AQR: variants seen among roughly 807,000 people sequenced by gnomAD.
AQR encodes aquarius intron-binding spliceosomal factor, also known as RNA helicase aquarius.
In AQR, 61 loss-of-function variants were observed where a neutral mutation model predicts 180.5. The observed-to-expected ratio is 0.34, with a 90% CI of 0.28 to 0.42. The LOEUF (loss-of-function observed/expected upper bound fraction) is 0.42, where lower values mean the gene tolerates loss of function less well. AQR is among the 10% of genes least tolerant of loss of function. The pLI, the probability that AQR is intolerant of heterozygous loss-of-function variation, is 1.00. For missense variants in AQR, 1,281 were observed against 1,798.3 expected, an observed-to-expected ratio of 0.71 and a Z score of 5.20; for synonymous variants, 551 against 588.8, an observed-to-expected ratio of 0.94 and a Z score of 0.93.
At chr15:34,954,105 A>C (rs1018483241) in intron 3 of AQR, among the ~76,000 whole-genome samples, 1 of 151,926 alleles carries the variant, frequency 6.6e-6, no homozygotes, top group African/African-American at 2.4e-5. Flanking sequence ...TAGTAGAGAT[A>C]GGGGTTTCCC....
chr15:34,918,650 T>G (rs1313321695), intron 14 of AQR, among the ~76,000 whole-genome samples: 1 of 152,234 alleles, frequency 6.6e-6, no homozygotes, highest in Admixed American at 6.5e-5. Flanking sequence ...CTAACCTTAG[T>G]TTCCTTTTCA....
At chr15:34,942,187 C>T in intron 6 of AQR, 107 bp from the exon 7 acceptor site, 1 of 613,010 alleles carries the variant, frequency 1.6e-6, no homozygotes, top group Non-Finnish European at 2.6e-6. Context: ...GAAAACATGC[C>T]ACAAATATTT....
intron 16 of AQR, 57 bp from the exon 17 acceptor site, chr15:34,910,370 T>C: frequency 1.3e-6 from 2 of 1,579,826 alleles, no homozygotes; most frequent in Non-Finnish European, 1.7e-6. Flanking sequence ...CCCCAACTTT[T>C]AGACAAGTTA....
At chr15:34,893,864 A>C in intron 22 of AQR, 91 bp from the exon 23 acceptor site, 7 of 1,103,664 alleles carry the variant, frequency 6.3e-6, no homozygotes, top group Non-Finnish European at 9.5e-6. Flanking sequence ...TGAAAGATAA[A>C]ATTAACAAAT....
chr15:34,876,453 T>G lies in AQR; in HGVS notation c.3166-447A>C, dbSNP rs773598588. 8.0e-4 allele frequency among the ~76,000 whole-genome samples: 122 copies of G among 152,244 alleles called. 1 individual carries two copies. The highest frequency in any genetic ancestry group is 1.6e-3 in the Non-Finnish European group (108 of 68,004). On this transcript the variant is annotated intron_variant, in intron 27 of 34. Coordinates refer to ENST00000156471, the MANE Select transcript of AQR (RefSeq NM_014691.3). ...TACCCATCACAACAATTCACTTCAG[T>G]CTCACCCCTGGGCATTCAATCCATC...
intron 3 of AQR, among the ~76,000 whole-genome samples, chr15:34,956,313 C>T (rs1053836232): frequency 4.6e-5 from 7 of 152,012 alleles, no homozygotes; most frequent in Non-Finnish European, 8.8e-5. Flanking sequence ...CCGGAGTGTA[C>T]TAGTTAAGAG....
At chr15:34,892,866 G>C (rs1282505328) in intron 23 of AQR, among the ~76,000 whole-genome samples, 1 of 152,064 alleles carries the variant, frequency 6.6e-6, no homozygotes, top group Non-Finnish European at 1.5e-5. Flanking sequence ...ATGGTTGTAT[G>C]GGTACTTGAA....
At chr15:34,920,725 GAGGC>G (rs1465546237) in intron 13 of AQR, among the ~76,000 whole-genome samples, 1 of 152,156 alleles carries the variant, frequency 6.6e-6, no homozygotes, top group African/African-American at 2.4e-5. Context: ...TTGGGAGGCC[GAGGC>G]AGGCAGATCC....
At chr15:34,866,517 C>G (rs1892740001) in intron 32 of AQR, among the ~76,000 whole-genome samples, 1 of 151,906 alleles carries the variant, frequency 6.6e-6, no homozygotes, top group African/African-American at 2.4e-5. Flanking sequence ...AAGGGCAGCA[C>G]AGAACTAAAG....
intron 33 of AQR, among the ~76,000 whole-genome samples, chr15:34,861,028 T>C (rs1266313375): frequency 6.6e-6 from 1 of 152,222 alleles, no homozygotes; most frequent in Non-Finnish European, 1.5e-5. Flanking sequence ...TTAACAACTT[T>C]CCTATTTATA....
At chr15:34,899,078 G>A (rs1893292400) in intron 20 of AQR, among the ~76,000 whole-genome samples, 1 of 151,800 alleles carries the variant, frequency 6.6e-6, no homozygotes. Context: ...GCTGAGGCAG[G>A]AGACTGACGT....
chr15:34,963,733 G>A (rs1006965368), intron 2 of AQR, among the ~76,000 whole-genome samples: 1 of 149,598 alleles, frequency 6.7e-6, no homozygotes, highest in African/African-American at 2.5e-5. Flanking sequence ...GTGCGATCTC[G>A]ACTCACTGCA....
intron 12 of AQR, among the ~76,000 whole-genome samples, chr15:34,928,037 G>T (rs1321979393): frequency 6.6e-6 from 1 of 152,176 alleles, no homozygotes; most frequent in Non-Finnish European, 1.5e-5. Flanking sequence ...TAGACCACAT[G>T]CCACACCAGC....
intron 24 of AQR, among the ~76,000 whole-genome samples, chr15:34,886,994 G>A (rs1279520789): frequency 1.3e-5 from 2 of 151,858 alleles, no homozygotes; most frequent in African/African-American, 2.4e-5. Flanking sequence ...GCATGGTGGC[G>A]GGCACCTGTA....
At chr15:34,930,867 C>T (rs971414345) in intron 11 of AQR, among the ~76,000 whole-genome samples, 21 of 135,926 alleles carry the variant, frequency 1.5e-4, no homozygotes, top group African/African-American at 5.5e-4. Context: ...GACGGAGTCT[C>T]GCTCTGTCAC....
At chr15:34,862,011 T>G (rs1566977933) in intron 33 of AQR, among the ~76,000 whole-genome samples, 1 of 151,954 alleles carries the variant, frequency 6.6e-6, no homozygotes, top group Non-Finnish European at 1.5e-5. Flanking sequence ...AGGAAAATAA[T>G]ATAAAAGTAA....
chr15:34,862,751 A>G (rs1055698820), intron 33 of AQR, 116 bp downstream of exon 33: 1 of 1,162,192 alleles, frequency 8.6e-7, no homozygotes, highest in Non-Finnish European at 1.2e-6. Context: ...AGCACACTCT[A>G]AAACAGGGAC....
chr15:34,874,318 G>C, intron 29 of AQR: 1 of 324,898 alleles, frequency 3.1e-6, no homozygotes, highest in Non-Finnish European at 5.5e-6. Flanking sequence ...GATGGGGCCT[G>C]CATCCTTTAT....
intron 18 of AQR, among the ~76,000 whole-genome samples, chr15:34,905,117 G>A (rs1457393773): frequency 6.9e-6 from 1 of 144,052 alleles, no homozygotes; most frequent in Non-Finnish European, 1.5e-5. Context: ...GGGGGAAGGG[G>A]GGGTCTTAGA....
Sources: gnomAD v4.1 joint callset for allele counts (sites outside exome capture counted in the v4.1 genomes callset) on GRCh38, gnomAD v4.1.1 for gene constraint, MANE v1.5 for transcripts, NCBI Gene and HGNC (gene_info 2026-07-23, HGNC 2026-07-21) for gene names.